The following NT5DC1 variants were observed in gnomAD, a reference collection of about 807,000 sequenced individuals.
NT5DC1 encodes the protein 5'-nucleotidase domain containing 1, also known as 5'-nucleotidase domain-containing protein 1.
In NT5DC1, 42 loss-of-function variants were observed where a neutral mutation model predicts 59.4. The ratio of observed to expected loss-of-function variants is 0.71; its 90% confidence interval spans 0.55 to 0.92. The LOEUF (loss-of-function observed/expected upper bound fraction) is 0.92, where lower values mean the gene tolerates loss of function less well. Among genes scored for constraint, NT5DC1 ranks in the 40% least tolerant of loss-of-function variants. The probability of loss-of-function intolerance (pLI) is 0.00; values close to 1 mark genes in which losing one functional copy is unlikely to be tolerated. For missense variants in NT5DC1, 501 were observed against 537.1 expected, an observed-to-expected ratio of 0.93 and a Z score of 0.66; for synonymous variants, 172 against 188.1, an observed-to-expected ratio of 0.91 and a Z score of 0.70.
chr6:116,165,976 C>T (rs1289281233), intron 6 of NT5DC1, among the ~76,000 whole-genome samples: 1 of 152,174 alleles, frequency 6.6e-6, no homozygotes, highest in African/African-American at 2.4e-5. Flanking sequence ...GATACCTGCA[C>T]AAACTAGCCA....
rs1771834065 is a variant in NT5DC1, at chr6:116,245,694, A to G, written c.*1670A>G. The G allele has an allele frequency of 1.3e-5, 2 of 152,156 alleles. No homozygotes were observed. The highest frequency in any genetic ancestry group is 2.4e-5 in the African/African-American group (1 of 41,440). The allele number at this position is 152,156 out of a possible 1,614,324, so 9.4% of individuals were successfully genotyped here. A position where few individuals can be genotyped will look rare whatever the true frequency, so the allele number is the denominator to read the frequency against. On this transcript the variant is annotated 3_prime_UTR_variant, in exon 12 of 12. Transcript: ENST00000319550. The stretch of plus-strand genomic sequence containing the variant: ...AAAATAAAGCTATCTTTCCTTATCC[A>G]TGTTTACTCTGTAAATGGCAAATAA...
At chr6:116,141,206 A>G (rs1317651256) in intron 6 of NT5DC1, among the ~76,000 whole-genome samples, 2 of 150,522 alleles carry the variant, frequency 1.3e-5, no homozygotes, top group South Asian at 2.1e-4. Context: ...TTGATTGGCC[A>G]TTTGTGTTTA....
intron 1 of NT5DC1, 131 bp downstream of exon 1, chr6:116,101,154 G>T (rs963689698): frequency 9.5e-6 from 6 of 634,018 alleles, no homozygotes; most frequent in African/African-American, 7.8e-5. Flanking sequence ...CGCAGAGCGC[G>T]GCCTCCAGCG....
At chr6:116,118,003 T>C in intron 6 of NT5DC1, 58 bp downstream of exon 6, 1 of 858,384 alleles carries the variant, frequency 1.2e-6, no homozygotes, top group Non-Finnish European at 2.0e-6. Context: ...GTTTGTCTAG[T>C]GAATTAGCTG....
At position 116,100,898 on chromosome 6, in the gene NT5DC1, G is replaced by C. The variant is rs1404975400; in HGVS notation, c.-33G>C. ...CAGCCAGCTCCTTGCACCCTTCGCGGCCGAGGCGCTCCCTGGTGCTCCCCG... is the reference window on the plus strand; with the variant it reads ...CAGCCAGCTCCTTGCACCCTTCGCGCCCGAGGCGCTCCCTGGTGCTCCCCG... On this transcript the variant is annotated 5_prime_UTR_variant, in exon 1 of 12. Coordinates refer to ENST00000319550, the MANE Select transcript of NT5DC1 (RefSeq NM_152729.3). 3 of 1,553,270 alleles carry C rather than the reference G, an allele frequency of 1.9e-6. No homozygotes were observed. The highest frequency in any genetic ancestry group is 2.6e-6 in the Non-Finnish European group (3 of 1,143,230).
intron 6 of NT5DC1, among the ~76,000 whole-genome samples, chr6:116,176,778 C>T (rs1360023636): frequency 6.6e-6 from 1 of 152,110 alleles, no homozygotes; most frequent in Non-Finnish European, 1.5e-5. Context: ...CACCGAAGCA[C>T]TGTGGGCTAG....
chr6:116,135,232 A>T (rs890183011), intron 6 of NT5DC1, among the ~76,000 whole-genome samples: 1 of 152,168 alleles, frequency 6.6e-6, no homozygotes, highest in Non-Finnish European at 1.5e-5. Context: ...AAGGGGGAAG[A>T]TGTTATTATT....
In NT5DC1 at chr6:116,125,358, G is replaced by A. The variant is rs780861272; in HGVS notation, c.529+7413G>A. 3.7e-6 allele frequency: 6 copies of A among 1,613,744 alleles called. No homozygotes were observed. The highest frequency in any genetic ancestry group is 5.1e-6 in the Non-Finnish European group (6 of 1,179,796). The stretch of plus-strand genomic sequence containing the variant: ...ATTTACCTTTACTCTTTATGGTGTA[G>A]GGAATGAAGAACTGTGTCTTGGTGT... On this transcript the variant is annotated intron_variant, in intron 6 of 11. Coordinates refer to ENST00000319550, the MANE Select transcript of NT5DC1 (RefSeq NM_152729.3).
chr6:116,135,868 TATATAC>T (rs1435648363), intron 6 of NT5DC1, among the ~76,000 whole-genome samples: 1,807 of 115,184 alleles, frequency 0.016, 54 homozygotes, highest in African/African-American at 0.055. Flanking sequence ...TATATATATA[TATATAC>T]ACACATACAC....
intron 6 of NT5DC1, among the ~76,000 whole-genome samples, chr6:116,118,618 C>A (rs749359610): frequency 1.3e-5 from 2 of 152,104 alleles, no homozygotes; most frequent in Non-Finnish European, 1.5e-5. Context: ...GTAATTCAAG[C>A]CATCAAAACA....
At chr6:116,205,769 G>A (rs1301869563) in intron 6 of NT5DC1, among the ~76,000 whole-genome samples, 2 of 151,914 alleles carry the variant, frequency 1.3e-5, no homozygotes, top group African/African-American at 2.4e-5. Context: ...CTTAATAAAG[G>A]GGATAAAACA....
At chr6:116,224,983 T>C (rs931693047) in intron 8 of NT5DC1, among the ~76,000 whole-genome samples, 1 of 152,018 alleles carries the variant, frequency 6.6e-6, no homozygotes. Context: ...TTTAAATACA[T>C]TATGGAGTTG....
intron 6 of NT5DC1, among the ~76,000 whole-genome samples, chr6:116,206,904 A>G (rs1468484130): frequency 6.6e-6 from 1 of 151,896 alleles, no homozygotes; most frequent in Non-Finnish European, 1.5e-5. Context: ...TTGTGTGCAA[A>G]ATATTTGTCT....
rs569329970 is a variant in NT5DC1 at position 116,203,713 on chromosome 6, A to G, written c.530-17341A>G. Among the ~76,000 whole-genome samples, 103 of 151,992 alleles carry G rather than the reference A, an allele frequency of 6.8e-4. 2 individuals are homozygous for G. In the South Asian group the frequency reaches 0.02, roughly 30 times the overall value. On this transcript the variant is annotated intron_variant, in intron 6 of 11. Transcript: ENST00000319550. ...ACATGTGATTTTCATGCCTATTTACATGTTACCCTTAGAGCTACACCTAGA... is the reference window on the plus strand; with the variant it reads ...ACATGTGATTTTCATGCCTATTTACGTGTTACCCTTAGAGCTACACCTAGA...
chr6:116,129,005 C>T (rs759531835), intron 6 of NT5DC1, among the ~76,000 whole-genome samples: 3 of 152,156 alleles, frequency 2.0e-5, no homozygotes, highest in Non-Finnish European at 4.4e-5. Context: ...CTGATCTCAA[C>T]TCGCTGTCAC....
intron 11 of NT5DC1, among the ~76,000 whole-genome samples, chr6:116,241,626 TAAG>T (rs1209661003): frequency 1.3e-4 from 20 of 152,038 alleles, no homozygotes; most frequent in African/African-American, 4.8e-4. Context: ...GAGAGAATAT[TAAG>T]AATCAGCAAG....
At chr6:116,202,446 A>C (rs1781368970) in intron 6 of NT5DC1, among the ~76,000 whole-genome samples, 1 of 151,984 alleles carries the variant, frequency 6.6e-6, no homozygotes, top group Non-Finnish European at 1.5e-5. Flanking sequence ...ACGAGGAAAC[A>C]ATGATCCCAT....
At chr6:116,211,769 A>C (rs1257494145) in intron 6 of NT5DC1, among the ~76,000 whole-genome samples, 1 of 152,068 alleles carries the variant, frequency 6.6e-6, no homozygotes, top group South Asian at 2.1e-4. Flanking sequence ...AAAGGGAGGG[A>C]TATTGGAATG....
At chr6:116,212,680 A>T (rs769206319) in intron 6 of NT5DC1, among the ~76,000 whole-genome samples, 5 of 152,106 alleles carry the variant, frequency 3.3e-5, no homozygotes, top group Non-Finnish European at 7.4e-5. Context: ...TTGAGTTGAG[A>T]TTTAATGGGT....
Sources: gnomAD v4.1 joint callset for allele counts (sites outside exome capture counted in the v4.1 genomes callset) on GRCh38, gnomAD v4.1.1 for gene constraint, MANE v1.5 for transcripts, NCBI Gene and HGNC (gene_info 2026-07-23, HGNC 2026-07-21) for gene names.